POTEI: variants seen among roughly 807,000 people sequenced by gnomAD.
POTEI encodes the protein POTE ankyrin domain family, member I.
POTEI carries 14 observed loss-of-function variants against 43.4 expected under a neutral mutation model. The observed-to-expected ratio is 0.32, with a 90% CI of 0.21 to 0.50. The LOEUF (loss-of-function observed/expected upper bound fraction) is 0.50. Ranked by LOEUF, POTEI falls within the 20% of genes least tolerant of loss-of-function variation. POTEI has a pLI of 0.98. For synonymous variants in POTEI, 95 were observed against 297.9 expected, an observed-to-expected ratio of 0.32 and a Z score of 7.01; for missense variants, 235 against 795.4, an observed-to-expected ratio of 0.30 and a Z score of 8.47.
At chr2:130,496,802 GA>G (rs1184062497) in intron 5 of POTEI, among the ~76,000 whole-genome samples, 180 bp from the exon 6 acceptor site, 607 of 129,550 alleles carry the variant, frequency 4.7e-3, no homozygotes, top group African/African-American at 0.015. Flanking sequence ...AATTAAAGAC[GA>G]AAAAAATGTA....
In POTEI at chr2:130,462,024, G is replaced by T; in HGVS notation, c.*792C>A. 1 of 144,168 alleles carries T rather than the reference G, an allele frequency of 6.9e-6. No individual in the cohort carries two copies. The highest frequency in any genetic ancestry group is 7.1e-5 in the Admixed American group (1 of 14,098). The allele number at this position is 144,168 out of a possible 1,614,324, so 8.9% of individuals were successfully genotyped here. ...AAACCTGTTCATGTCTTGTTCTCTG[G>T]AAAGAAGTCTCTTTCAGCTATCTGA... On this transcript the variant is annotated 3_prime_UTR_variant, in exon 15 of 15. Coordinates refer to ENST00000451531, the MANE Select transcript of POTEI (RefSeq NM_001277406.2).
chr2:130,476,310 C>T (rs1683187526), intron 11 of POTEI, among the ~76,000 whole-genome samples: 1 of 70,836 alleles, frequency 1.4e-5, no homozygotes, highest in Non-Finnish European at 2.8e-5. Context: ...CATTCTCCTG[C>T]CTCAGCCTCC....
rs866253333 is a variant in POTEI at position 130,461,097 on chromosome 2, C to T, written c.*1719G>A. 7.0e-6 allele frequency: 1 copy of T among 143,210 alleles called. No homozygotes were observed. Among genetic ancestry groups the T allele is most frequent in the East Asian group, 1.9e-4 (1 of 5,180 alleles). The allele number at this position is 143,210 out of a possible 1,614,324, so 8.9% of individuals were successfully genotyped here. Reference sequence around the variant, plus strand: ...ACTGAGGTACGAACCTGTTGCCAATCTGAACACACCTATAAGATGTGGCTG... The same window carrying T: ...ACTGAGGTACGAACCTGTTGCCAATTTGAACACACCTATAAGATGTGGCTG... On this transcript the variant is annotated 3_prime_UTR_variant, in exon 15 of 15. Transcript: ENST00000451531.
At chr2:130,479,217 C>A (rs1024465265) in intron 10 of POTEI, among the ~76,000 whole-genome samples, 6 of 149,626 alleles carry the variant, frequency 4.0e-5, no homozygotes, top group African/African-American at 1.5e-4. Context: ...TAAACATTTA[C>A]AAAATGACTT....
rs768820240 is a variant in POTEI at position 130,463,633 on chromosome 2, A to T, written c.2411T>A (p.Leu804Gln). Residue 804 changes from leucine to glutamine, a missense_variant, in exon 15 of 15, where the codon CTG becomes CAG. Transcript: ENST00000451531. ...LRVAPEEHPI[L>Q]LTEAPLNPKA... ...GGGGTTCAGGGGGGCCTCGGTCAGC[A>T]GGATGGGGTGCTCCTCAGGGGCCAC... 4.4e-6 allele frequency: 7 copies of T among 1,607,320 alleles called. No individual in the cohort carries two copies. The highest frequency in any genetic ancestry group is 1.7e-5 in the Admixed American group (1 of 59,536).
In POTEI at chr2:130,509,138, G is replaced by A. The variant is rs1684269707; in HGVS notation, c.98C>T (p.Pro33Leu). 6.6e-7 allele frequency: 1 copy of A among 1,511,134 alleles called. No individual in the cohort carries two copies. Among genetic ancestry groups the A allele is most frequent in the Non-Finnish European group, 8.8e-7 (1 of 1,139,076 alleles). 93.6% of individuals were successfully genotyped at this position (1,511,134 alleles called of 1,614,324 possible). Reference sequence around the variant, plus strand: ...GCTCTTGCCGCTCCCCCTGCAGCAGGGGAAGCAGTGGCGGCACCACTTGCC... The same window carrying A: ...GCTCTTGCCGCTCCCCCTGCAGCAGAGGAAGCAGTGGCGGCACCACTTGCC... Reference protein sequence around the residue: ...KMGKWCRHCFPCCRGSGKSNV... With the variant: ...KMGKWCRHCFLCCRGSGKSNV... Residue 33 changes from proline to leucine, a missense_variant, in exon 1 of 15, where the codon CCC (proline) becomes CTC (leucine). Pro to Leu is a moderately conservative substitution (Grantham distance 98). Transcript: ENST00000451531.
intron 10 of POTEI, among the ~76,000 whole-genome samples, chr2:130,477,430 C>T (rs1349990255): frequency 1.1e-4 from 16 of 149,966 alleles, no homozygotes; most frequent in African/African-American, 3.7e-4. Flanking sequence ...TGAGCCACCA[C>T]ACCTGGCCTT....
chr2:130,480,425 G>A (rs1342437489), intron 10 of POTEI, among the ~76,000 whole-genome samples: 7 of 150,886 alleles, frequency 4.6e-5, no homozygotes, highest in Admixed American at 6.6e-5. Flanking sequence ...CAGAAACCCT[G>A]CCATGTTCAC....
At chr2:130,477,166 T>C (rs528302128) in intron 10 of POTEI, among the ~76,000 whole-genome samples, 1 of 151,420 alleles carries the variant, frequency 6.6e-6, no homozygotes, top group Non-Finnish European at 1.5e-5. Flanking sequence ...TTTCTTTTTT[T>C]TTTTTTATGA....
rs200312724 is a variant in POTEI at position 130,468,530 on chromosome 2, C to T, written c.1779-2758G>A. ...GGAGAGAGAGAAGAGAGAAGTGAAG[C>T]GCAAAGAGCCCCTTATGAAACCGTC... On this transcript the variant is annotated intron_variant, in intron 13 of 14. Transcript: ENST00000451531. Among the ~76,000 whole-genome samples the T allele has an allele frequency of 6.2e-3, 946 of 151,576 alleles. 4 individuals are homozygous for T. The East Asian group carries it at 0.13, about 22-fold the overall frequency.
At chr2:130,488,675 C>G (rs531379906) in intron 8 of POTEI, among the ~76,000 whole-genome samples, 1 of 123,272 alleles carries the variant, frequency 8.1e-6, no homozygotes, top group African/African-American at 3.0e-5. Flanking sequence ...CTTTTCTGCG[C>G]TAAGATATTC....
Position 130,508,995 on chromosome 2 carries a change from C to T in POTEI, c.241G>A (p.Gly81Ser), listed in dbSNP as rs749995054. 2.6e-6 allele frequency: 4 copies of T among 1,518,236 alleles called. No individual in the cohort carries two copies. Among genetic ancestry groups the T allele is most frequent in the African/African-American group, 1.4e-5 (1 of 70,110 alleles). The allele number at this position is 1,518,236 out of a possible 1,614,324, so 94.0% of individuals were successfully genotyped here. ...GAGTCGTCGTGGTCTCCAGAAGTGC[C>T]CACGTTGCTCTTGCCACTCCCCCTG... Reference protein sequence around the residue: ...CCRGSGKSNVGTSGDHDDSAM... With the variant: ...CCRGSGKSNVSTSGDHDDSAM... The change falls in exon 1 of 15, where the codon GGC (glycine) becomes AGC (serine). Residue 81 changes from glycine (G) to serine (S), a missense_variant. Coordinates refer to ENST00000451531, the MANE Select transcript of POTEI (RefSeq NM_001277406.2).
chr2:130,491,658 CTT>C (rs4044419), intron 6 of POTEI, among the ~76,000 whole-genome samples: 3,072 of 5,720 alleles, frequency 0.54, 857 homozygotes, highest in Admixed American at 0.59. Flanking sequence ...ATTTTTCTTT[CTT>C]TTTTTTTTTT....
rs1683891018 is a variant in POTEI at position 130,495,863 on chromosome 2, G to A, written c.1126+689C>T. 1.3e-4 allele frequency among the ~76,000 whole-genome samples: 6 copies of A among 46,170 alleles called. 3 individuals carry two copies. The highest frequency in any genetic ancestry group is 2.2e-4 in the Non-Finnish European group (4 of 18,458). The allele number at this position is 46,170 out of a possible 152,430, so 30.3% of individuals were successfully genotyped here. A position where few individuals can be genotyped will look rare whatever the true frequency, so the allele number is the denominator to read the frequency against. On this transcript the variant is annotated intron_variant, in intron 6 of 14. Coordinates refer to ENST00000451531, the MANE Select transcript of POTEI (RefSeq NM_001277406.2). ...AATATATCTCTTTCCAACTTCAAATGAGGAGGAATGAAGTCAATAATAGTG... is the reference window on the plus strand; with the variant it reads ...AATATATCTCTTTCCAACTTCAAATAAGGAGGAATGAAGTCAATAATAGTG...
At chr2:130,484,333 T>C (rs1048709850) in intron 9 of POTEI, among the ~76,000 whole-genome samples, 3 of 139,942 alleles carry the variant, frequency 2.1e-5, no homozygotes, top group Non-Finnish European at 4.6e-5. Flanking sequence ...CTTTGTTTCA[T>C]TGAACCTTGC....
chr2:130,507,311 TATATATACACACAC>T (rs1320718024), intron 1 of POTEI, among the ~76,000 whole-genome samples: 1,722 of 10,642 alleles, frequency 0.16, 144 homozygotes, highest in Non-Finnish European at 0.39. Context: ...TATATATATA[TATATATACACACAC>T]ACACACACAC....
intron 5 of POTEI, chr2:130,497,971 T>C (rs1483703734): frequency 7.6e-6 from 1 of 131,318 alleles, no homozygotes; most frequent in Non-Finnish European, 1.6e-5. Flanking sequence ...AGCTAGAGTT[T>C]GAAAATATTT....
intron 13 of POTEI, among the ~76,000 whole-genome samples, chr2:130,467,806 A>G (rs1249956657): frequency 4.7e-5 from 7 of 149,518 alleles, no homozygotes; most frequent in Non-Finnish European, 7.5e-5. Context: ...GCCAAATTAC[A>G]TGAATAGACA....
chr2:130,477,873 C>A (rs2105074307), intron 10 of POTEI, among the ~76,000 whole-genome samples: 1 of 141,504 alleles, frequency 7.1e-6, no homozygotes, highest in South Asian at 2.2e-4. Flanking sequence ...GGGAGCGAGG[C>A]CTGAAAGAGT....
Sources: allele counts gnomAD v4.1 joint callset (sites outside exome capture counted in the v4.1 genomes callset), GRCh38; gene constraint gnomAD v4.1.1; transcripts MANE v1.5; gene names NCBI Gene and HGNC (gene_info 2026-07-23, HGNC 2026-07-21).